SYN3: variants seen among roughly 807,000 people sequenced by gnomAD.
SYN3 encodes the protein synapsin-3.
Under a neutral mutation model 65.8 loss-of-function variants are expected in SYN3, and 35 were observed. That is an observed-to-expected ratio of 0.53 (90% CI 0.41 to 0.70). The LOEUF is 0.70. SYN3 is among the 30% of genes least tolerant of loss of function. The probability of loss-of-function intolerance (pLI) is 0.00; values close to 1 mark genes in which losing one functional copy is unlikely to be tolerated. For synonymous variants in SYN3, 270 were observed against 292.9 expected (o/e 0.92, Z 0.80); for missense variants, 680 against 749.0 (o/e 0.91, Z 1.08).
At chr22:32,776,627 G>A (rs1039985596) in intron 6 of SYN3, among the ~76,000 whole-genome samples, 12 of 152,306 alleles carry the variant, frequency 7.9e-5, no homozygotes, top group Admixed American at 4.6e-4. Flanking sequence ...GCACCAGAAT[G>A]GATGCTCTGT....
chr22:32,888,061 T>G (rs1213570951), intron 4 of SYN3, among the ~76,000 whole-genome samples: 2 of 152,200 alleles, frequency 1.3e-5, no homozygotes, highest in Non-Finnish European at 2.9e-5. Context: ...TTATTTTTAT[T>G]TCCCTGATGA....
intron 1 of SYN3, among the ~76,000 whole-genome samples, chr22:33,028,876 T>C (rs1432798210): frequency 6.6e-6 from 1 of 151,918 alleles, no homozygotes; most frequent in Non-Finnish European, 1.5e-5. Flanking sequence ...CCGTCTCTAC[T>C]AAAAATACAA....
chr22:32,696,569 A>G (rs1264596467), intron 6 of SYN3, among the ~76,000 whole-genome samples: 3 of 152,176 alleles, frequency 2.0e-5, no homozygotes, highest in Non-Finnish European at 4.4e-5. Flanking sequence ...TTTTCCACCC[A>G]TCTGTGATCT....
chr22:32,704,420 G>A (rs1251170331), intron 6 of SYN3, among the ~76,000 whole-genome samples: 1 of 152,136 alleles, frequency 6.6e-6, no homozygotes, highest in Non-Finnish European at 1.5e-5. Flanking sequence ...TGGTTACATA[G>A]TATTCCATGG....
intron 3 of SYN3, among the ~76,000 whole-genome samples, chr22:32,946,586 A>G (rs2051118142): frequency 6.6e-6 from 1 of 152,132 alleles, no homozygotes; most frequent in South Asian, 2.1e-4. Context: ...GATATACCTA[A>G]TGTAAATGAT....
At chr22:32,516,286 G>C (rs573797312) in intron 13 of SYN3, among the ~76,000 whole-genome samples, 3 of 152,272 alleles carry the variant, frequency 2.0e-5, no homozygotes, top group East Asian at 3.9e-4. Context: ...TCTGGGGATG[G>C]GGGTAGCAAA....
At chr22:32,536,056 G>T (rs2058160023) in intron 9 of SYN3, among the ~76,000 whole-genome samples, 1 of 152,376 alleles carries the variant, frequency 6.6e-6, no homozygotes, top group African/African-American at 2.4e-5. Flanking sequence ...TTCCTCCAGG[G>T]ATGGCCCATG....
intron 2 of SYN3, among the ~76,000 whole-genome samples, chr22:32,999,891 A>G (rs1049788044): frequency 6.6e-6 from 1 of 152,146 alleles, no homozygotes; most frequent in African/African-American, 2.4e-5. Context: ...TGTTTCAGAA[A>G]GATGACCCTT....
At chr22:32,725,446 C>T (rs1336712852) in intron 6 of SYN3, among the ~76,000 whole-genome samples, 1 of 152,214 alleles carries the variant, frequency 6.6e-6, no homozygotes, top group Non-Finnish European at 1.5e-5. Flanking sequence ...TGTCCTAATT[C>T]CCAGAGCCAG....
At chr22:33,056,187 A>C (rs1001113120) in intron 1 of SYN3, among the ~76,000 whole-genome samples, 2 of 152,226 alleles carry the variant, frequency 1.3e-5, no homozygotes, top group African/African-American at 2.4e-5. Flanking sequence ...CGTGGCTATT[A>C]TTATTAAAAG....
intron 3 of SYN3, among the ~76,000 whole-genome samples, chr22:32,962,335 T>C (rs548746604): frequency 4.3e-4 from 65 of 152,058 alleles, no homozygotes; most frequent in African/African-American, 1.5e-3. Flanking sequence ...GGGGTTTCAC[T>C]ATGTTGGCCA....
At chr22:32,976,396 G>A (rs992119105) in intron 3 of SYN3, among the ~76,000 whole-genome samples, 13 of 152,174 alleles carry the variant, frequency 8.5e-5, no homozygotes, top group Non-Finnish European at 1.0e-4. Flanking sequence ...AAGACTGGCC[G>A]TGGTGATTTC....
At chr22:32,585,559 G>C (rs1422886904) in intron 7 of SYN3, among the ~76,000 whole-genome samples, 3 of 152,194 alleles carry the variant, frequency 2.0e-5, no homozygotes, top group Non-Finnish European at 4.4e-5. Flanking sequence ...CTAGCAGGAT[G>C]ACCCAGATTT....
At chr22:32,825,186 A>C (rs557584749) in intron 6 of SYN3, among the ~76,000 whole-genome samples, 1 of 152,224 alleles carries the variant, frequency 6.6e-6, no homozygotes, top group East Asian at 1.9e-4. Context: ...GGAACTGAGA[A>C]ACTGTGTCTA....
chr22:32,719,230 C>G (rs1477250736), intron 6 of SYN3, among the ~76,000 whole-genome samples: 1 of 152,208 alleles, frequency 6.6e-6, no homozygotes, highest in Non-Finnish European at 1.5e-5. Context: ...CGGTAAGGTA[C>G]ATGTGTTATT....
chr22:32,945,666 G>A (rs1186844544), intron 3 of SYN3, among the ~76,000 whole-genome samples: 1 of 152,100 alleles, frequency 6.6e-6, no homozygotes, highest in Non-Finnish European at 1.5e-5. Flanking sequence ...AAAAGCAATG[G>A]CAACAAAAGC....
intron 6 of SYN3, among the ~76,000 whole-genome samples, chr22:32,764,039 G>C (rs1439009459): frequency 6.6e-6 from 1 of 151,238 alleles, no homozygotes; most frequent in Non-Finnish European, 1.5e-5. Flanking sequence ...CCGGATTCAA[G>C]TGATTCTCCT....
intron 6 of SYN3, among the ~76,000 whole-genome samples, chr22:32,748,180 C>T (rs1390590741): frequency 6.6e-6 from 1 of 152,182 alleles, no homozygotes. Flanking sequence ...ATATGAGTCT[C>T]ATAATATAAG....
At position 33,015,242 on chromosome 22, in the gene SYN3, A is replaced by AAAAAT. The variant is rs56343315; in HGVS notation, c.-162-8419_-162-8418insATTTT. The AAAAAT allele has an allele frequency of 1.2e-3, 270 of 216,170 alleles. 11 individuals are homozygous for AAAAAT. The highest frequency in any genetic ancestry group is 2.4e-3 in the South Asian group (42 of 17,850). 13.4% of individuals were successfully genotyped at this position (216,170 alleles called of 1,614,324 possible). A position where few individuals can be genotyped will look rare whatever the true frequency, so the allele number is the denominator to read the frequency against. On this transcript the variant is annotated intron_variant, in intron 1 of 13. Transcript: ENST00000358763. ...TCTCAAAAAAAAAAAAAAAAAAAAA[A>AAAAAT]CTACTGTATCTTGGACGAGACTATC...
Sources: gnomAD v4.1 joint callset for allele counts (sites outside exome capture counted in the v4.1 genomes callset) on GRCh38, gnomAD v4.1.1 for gene constraint, MANE v1.5 for transcripts, NCBI Gene and HGNC (gene_info 2026-07-23, HGNC 2026-07-21) for gene names.